ZFAT: variants seen among roughly 807,000 people sequenced by gnomAD.
The protein encoded by ZFAT is zinc finger protein ZFAT.
In ZFAT, 64 loss-of-function variants were observed where a neutral mutation model predicts 117.7. The ratio of observed to expected loss-of-function variants is 0.54; its 90% CI spans 0.44 to 0.67. The LOEUF (loss-of-function observed/expected upper bound fraction) is 0.67, where lower values mean the gene tolerates loss of function less well. Among genes scored for constraint, ZFAT ranks in the 30% least tolerant of loss-of-function variants. The pLI is 0.00. For synonymous variants in ZFAT, 679 were observed against 615.0 expected, an observed-to-expected ratio of 1.10 and a Z score of -1.54; for missense variants, 1,433 against 1,584.5, an observed-to-expected ratio of 0.90 and a Z score of 1.62.
At chr8:134,711,742 C>A (rs894157669) in intron 1 of ZFAT, among the ~76,000 whole-genome samples, 1 of 152,214 alleles carries the variant, frequency 6.6e-6, no homozygotes, top group East Asian at 1.9e-4. Context: ...CATCTAGCAC[C>A]GCAGCAGGTG....
At chr8:134,632,854 C>T (rs1241050879) in intron 3 of ZFAT, among the ~76,000 whole-genome samples, 1 of 152,030 alleles carries the variant, frequency 6.6e-6, no homozygotes, top group Non-Finnish European at 1.5e-5. Flanking sequence ...CACAAAAAAA[C>T]ACAAATAACT....
At chr8:134,746,709 ATAAG>A in the ZFAT span, among the ~76,000 whole-genome samples, 1 of 152,188 alleles carries the variant, frequency 6.6e-6, no homozygotes, top group African/African-American at 2.4e-5. Context: ...TGTACAGTTC[ATAAG>A]TAAGTTTTTT....
the ZFAT span, among the ~76,000 whole-genome samples, chr8:134,809,344 A>G: frequency 6.6e-6 from 1 of 152,336 alleles, no homozygotes; most frequent in East Asian, 1.9e-4. Context: ...CAGAATCTTC[A>G]AAACCATTGA....
intron 13 of ZFAT, among the ~76,000 whole-genome samples, chr8:134,517,030 T>C (rs1023046575): frequency 5.3e-5 from 8 of 152,206 alleles, no homozygotes; most frequent in African/African-American, 1.9e-4. Context: ...TCGCTGTCAT[T>C]ATTAAACACT....
At chr8:134,535,679 C>G (rs1821784289) in intron 11 of ZFAT, among the ~76,000 whole-genome samples, 1 of 151,912 alleles carries the variant, frequency 6.6e-6, no homozygotes, top group African/African-American at 2.4e-5. Flanking sequence ...GAGTTTGGCC[C>G]ACAGCATTTA....
intron 7 of ZFAT, among the ~76,000 whole-genome samples, chr8:134,592,365 A>G (rs1280470794): frequency 1.3e-5 from 2 of 152,182 alleles, no homozygotes; most frequent in African/African-American, 4.8e-5. Flanking sequence ...GGTTCACACT[A>G]CACCGAGGGC....
the ZFAT span, among the ~76,000 whole-genome samples, chr8:134,749,847 CT>C: frequency 4.6e-5 from 7 of 152,188 alleles, no homozygotes; most frequent in East Asian, 1.4e-3. Context: ...TATTTTTCCC[CT>C]CATTTTCTAT....
the ZFAT span, among the ~76,000 whole-genome samples, chr8:134,751,363 G>T: frequency 6.6e-6 from 1 of 152,124 alleles, no homozygotes; most frequent in Non-Finnish European, 1.5e-5. Context: ...GTCCTCAGCA[G>T]GTTCAGAACC....
chr8:134,695,122 A>G (rs908246663), intron 1 of ZFAT, among the ~76,000 whole-genome samples: 1 of 152,146 alleles, frequency 6.6e-6, no homozygotes, highest in Non-Finnish European at 1.5e-5. Flanking sequence ...CCAGAGGAGG[A>G]CGAACTAACC....
Position 134,478,262 on chromosome 8 carries a change from G to C in ZFAT, c.*220C>G, listed in dbSNP as rs964946986. The C allele has an allele frequency of 1.3e-5, 8 of 611,934 alleles. No homozygotes were observed. The highest frequency in any genetic ancestry group is 5.7e-6 in the Non-Finnish European group (2 of 350,708). 37.9% of individuals were successfully genotyped at this position (611,934 alleles called of 1,614,324 possible). ...GGAAGCAGATGGTAAGGGTCAGGGG[G>C]TGTGTGTCTATGCTGGGGTGAGGGT... On this transcript the variant is annotated 3_prime_UTR_variant, in exon 16 of 16. Transcript: ENST00000377838. The surrounding 1 kb of genome is among the most constrained non-coding windows in gnomAD (Gnocchi z 5.2).
intron 1 of ZFAT, among the ~76,000 whole-genome samples, chr8:134,658,802 C>T (rs190344625): frequency 2.6e-5 from 4 of 152,246 alleles, no homozygotes. Flanking sequence ...GCCAAAAGGC[C>T]CAGGTTAAAT....
chr8:134,748,602 A>G, the ZFAT span, among the ~76,000 whole-genome samples: 1 of 152,214 alleles, frequency 6.6e-6, no homozygotes, highest in African/African-American at 2.4e-5. Context: ...GAGTATCTCT[A>G]AAAAACATGG....
At chr8:134,506,995 C>A (rs931336363) in intron 15 of ZFAT, among the ~76,000 whole-genome samples, 1 of 152,180 alleles carries the variant, frequency 6.6e-6, no homozygotes, top group Admixed American at 6.5e-5. Flanking sequence ...ATAGTCAATT[C>A]TATTTCATAA....
chr8:134,710,035 TATG>T (rs1813930642), intron 1 of ZFAT, among the ~76,000 whole-genome samples: 1 of 152,220 alleles, frequency 6.6e-6, no homozygotes. Flanking sequence ...CATTTTAAAA[TATG>T]ATCTTTTCTC....
At position 134,601,678 on chromosome 8, in the gene ZFAT, C is replaced by T. The variant is rs556276899; in HGVS notation, c.2041G>A (p.Ala681Thr). The change falls in exon 6 of 16, where the codon GCC becomes ACC. Residue 681 changes from alanine (A) to threonine (T), a missense_variant. This residue lies in a region of ZFAT where 372 missense variants were observed against 355.6 expected (regional missense o/e 1.05). Coordinates refer to ENST00000377838, the MANE Select transcript of ZFAT (RefSeq NM_020863.4). ...SRCLRSNPAE[A>T]SDLLPPVAGG... ...GCTACTGGAGGGAGGAGGTCTGAGG[C>T]CTCAGCTGGGTTTGACCTGAGACAC... The T allele has an allele frequency of 1.5e-4, 243 of 1,614,012 alleles. No individual in the cohort carries two copies. The South Asian group carries it at 2.5e-3, about 17-fold the overall frequency.
At chr8:134,611,562 C>G (rs905807386) in intron 3 of ZFAT, among the ~76,000 whole-genome samples, 5 of 152,172 alleles carry the variant, frequency 3.3e-5, no homozygotes, top group Non-Finnish European at 5.9e-5. Context: ...ACATGGAGAC[C>G]AGTCAGGCCT....
At chr8:134,569,360 C>T (rs1040567841) in intron 10 of ZFAT, among the ~76,000 whole-genome samples, 1 of 152,154 alleles carries the variant, frequency 6.6e-6, no homozygotes, top group African/African-American at 2.4e-5. Flanking sequence ...CCCAACACCC[C>T]CATTCACAGC....
At chr8:134,599,316 C>T (rs9657443) in intron 7 of ZFAT, 4,816 of 161,534 alleles carry the variant, frequency 0.03, 279 homozygotes, top group African/African-American at 0.11. Flanking sequence ...TGTGTGCGCG[C>T]GCATGCATAT....
intron 3 of ZFAT, among the ~76,000 whole-genome samples, chr8:134,611,430 A>G (rs1298153484): frequency 6.6e-6 from 1 of 152,262 alleles, no homozygotes; most frequent in Non-Finnish European, 1.5e-5. Context: ...ACAACTCCAT[A>G]GGAAGCAGGG....
Sources: gnomAD v4.1 joint callset for allele counts (sites outside exome capture counted in the v4.1 genomes callset) on GRCh38, gnomAD v4.1.1 for gene constraint, gnomAD v4.1.1 regional missense constraint, Gnocchi (gnomAD v3.1) non-coding constraint, MANE v1.5 for transcripts, NCBI Gene and HGNC (gene_info 2026-07-23, HGNC 2026-07-21) for gene names.